The following GRAMD2B variants were observed in gnomAD, a reference collection of about 807,000 sequenced individuals.
GRAMD2B encodes the protein GRAM domain containing 2B.
In GRAMD2B, 41 loss-of-function variants were observed where a neutral mutation model predicts 59.2. The ratio of observed to expected loss-of-function variants is 0.69; its 90% CI spans 0.54 to 0.90. GRAMD2B has a LOEUF of 0.90. GRAMD2B is among the 40% of genes least tolerant of loss of function. The pLI, the probability that GRAMD2B is intolerant of heterozygous loss-of-function variation, is 0.00. For missense variants in GRAMD2B, 424 were observed against 500.5 expected (o/e 0.85, Z 1.46); for synonymous variants, 161 against 182.7 (o/e 0.88, Z 0.96).
intron 1 of GRAMD2B, among the ~76,000 whole-genome samples, chr5:126,458,400 A>C (rs987433476): frequency 6.6e-5 from 10 of 151,938 alleles, no homozygotes; most frequent in Non-Finnish European, 1.5e-4. Context: ...GCGTTACTGC[A>C]CTGCACTCCA....
upstream of GRAMD2B, among the ~76,000 whole-genome samples, chr5:126,367,355 C>T (rs1053308481): frequency 4.6e-5 from 7 of 151,572 alleles, no homozygotes; most frequent in African/African-American, 1.7e-4. Flanking sequence ...TGGAAAACTC[C>T]ATTTTGAAGC....
chr5:126,439,142 C>T (rs1026544763), intron 1 of GRAMD2B, among the ~76,000 whole-genome samples: 2 of 152,000 alleles, frequency 1.3e-5, no homozygotes, highest in East Asian at 3.9e-4. Context: ...TTGAAGATTC[C>T]ATGTGGCAAA....
At chr5:126,436,090 T>C (rs1010115487) in intron 1 of GRAMD2B, among the ~76,000 whole-genome samples, 1 of 152,202 alleles carries the variant, frequency 6.6e-6, no homozygotes, top group African/African-American at 2.4e-5. Flanking sequence ...TGTCTGAAAA[T>C]AATCAAAGAT....
intron 8 of GRAMD2B, 98 bp from the exon 9 acceptor site, chr5:126,483,365 T>A: frequency 1.6e-6 from 1 of 629,136 alleles, no homozygotes; most frequent in Non-Finnish European, 2.8e-6. Context: ...ATTCTATGTT[T>A]TATAGGTCAG....
intron 1 of GRAMD2B, among the ~76,000 whole-genome samples, chr5:126,406,465 C>A (rs1218939029): frequency 6.6e-6 from 1 of 151,706 alleles, no homozygotes; most frequent in African/African-American, 2.4e-5. Context: ...TGTAACTAAC[C>A]ACCACCTAGA....
intron 1 of GRAMD2B, among the ~76,000 whole-genome samples, chr5:126,450,287 C>T (rs1051318685): frequency 6.6e-6 from 1 of 151,952 alleles, no homozygotes; most frequent in Non-Finnish European, 1.5e-5. Flanking sequence ...TTCTAATGGC[C>T]CTGGTTTTTG....
intron 1 of GRAMD2B, among the ~76,000 whole-genome samples, chr5:126,377,227 C>T (rs995798): frequency 6.7e-6 from 1 of 149,976 alleles, no homozygotes; most frequent in Non-Finnish European, 1.5e-5. Flanking sequence ...TTAAGCTCTG[C>T]GTAACTTCCC....
chr5:126,459,992 C>G (rs552438506), intron 1 of GRAMD2B, among the ~76,000 whole-genome samples: 1 of 152,152 alleles, frequency 6.6e-6, no homozygotes, highest in South Asian at 2.1e-4. Context: ...TTAGTATTTG[C>G]AAAAGACTGA....
chr5:126,364,453 A>G (rs553319538), intron 1 of GRAMD2B, among the ~76,000 whole-genome samples: 2 of 152,226 alleles, frequency 1.3e-5, no homozygotes, highest in African/African-American at 2.4e-5. Context: ...GTGGAAAATG[A>G]AAGTGTAGGT....
At chr5:126,368,330 G>C, upstream of GRAMD2B, among the ~76,000 whole-genome samples, 1 of 152,352 alleles carries the variant, frequency 6.6e-6, no homozygotes, top group African/African-American at 2.4e-5. Context: ...CTCAGGCAGT[G>C]GCTGTGGATG....
chr5:126,445,278 C>T (rs950483704), intron 1 of GRAMD2B, among the ~76,000 whole-genome samples: 27 of 152,306 alleles, frequency 1.8e-4, no homozygotes, highest in Admixed American at 1.6e-3. Context: ...GCCACACTCT[C>T]TTCCACAATA....
At chr5:126,412,116 G>C (rs982822550) in intron 1 of GRAMD2B, among the ~76,000 whole-genome samples, 2 of 151,976 alleles carry the variant, frequency 1.3e-5, no homozygotes, top group African/African-American at 4.8e-5. Flanking sequence ...TCTCTTGCCT[G>C]ATTGCTCTGA....
At chr5:126,388,176 C>T (rs937005384) in intron 1 of GRAMD2B, among the ~76,000 whole-genome samples, 3 of 152,028 alleles carry the variant, frequency 2.0e-5, no homozygotes, top group Admixed American at 2.0e-4. Flanking sequence ...AGTTTGAGAC[C>T]AGCCTGACCA....
chr5:126,422,642 C>T (rs983544578), upstream of GRAMD2B, among the ~76,000 whole-genome samples: 7 of 152,218 alleles, frequency 4.6e-5, no homozygotes, highest in African/African-American at 9.6e-5. Context: ...ATGCCTGGAA[C>T]TTTGTAGCTC....
intron 1 of GRAMD2B, 64 bp from the exon 2 acceptor site, chr5:126,465,362 T>G: frequency 6.2e-7 from 1 of 1,607,078 alleles, no homozygotes. Context: ...TGTTACTTCA[T>G]CGTTTTCCTT....
intron 1 of GRAMD2B, among the ~76,000 whole-genome samples, chr5:126,379,065 C>A (rs778847044): frequency 2.2e-4 from 33 of 152,094 alleles, no homozygotes; most frequent in Admixed American, 2.6e-4. Flanking sequence ...CCCTCCCACC[C>A]TTTCCCCCAA....
At chr5:126,477,572 A>C in intron 5 of GRAMD2B, 120 bp from the exon 6 acceptor site, 2 of 718,960 alleles carry the variant, frequency 2.8e-6, no homozygotes, top group Non-Finnish European at 2.5e-6. Context: ...TGGAGGCTGG[A>C]GAGCTTGCTG....
chr5:126,414,787 A>G (rs1759117237), intron 1 of GRAMD2B, among the ~76,000 whole-genome samples: 1 of 152,166 alleles, frequency 6.6e-6, no homozygotes. Flanking sequence ...TTTTAAACGT[A>G]GAAGCTAATG....
intron 1 of GRAMD2B, among the ~76,000 whole-genome samples, chr5:126,393,782 C>T (rs1757058845): frequency 6.6e-6 from 1 of 152,002 alleles, no homozygotes; most frequent in South Asian, 2.1e-4. Context: ...ACAATGTTTC[C>T]TCGAAAAAAA....
Sources: allele counts gnomAD v4.1 joint callset (sites outside exome capture counted in the v4.1 genomes callset), GRCh38; gene constraint gnomAD v4.1.1; transcripts MANE v1.5; gene names NCBI Gene and HGNC (gene_info 2026-07-23, HGNC 2026-07-21).